MYH9: variants seen among roughly 807,000 people sequenced by gnomAD.
The protein encoded by MYH9 is myosin heavy chain 9.
A neutral mutation model predicts 241.9 loss-of-function variants in MYH9; 29 were observed. The ratio of observed to expected loss-of-function variants is 0.12; its 90% CI spans 0.09 to 0.16. MYH9 has a LOEUF of 0.16. Among genes scored for constraint, MYH9 ranks in the 10% least tolerant of loss-of-function variants. The pLI is 1.00. For missense variants in MYH9, 1,803 were observed against 2,595.5 expected, an observed-to-expected ratio of 0.69 and a Z score of 6.63; for synonymous variants, 1,047 against 1,062.6, an observed-to-expected ratio of 0.99 and a Z score of 0.29.
intron 10 of MYH9, among the ~76,000 whole-genome samples, chr22:36,318,816 T>C (rs528290774): frequency 3.3e-5 from 5 of 151,806 alleles, no homozygotes; most frequent in African/African-American, 1.2e-4. Flanking sequence ...CAGGCTGGAG[T>C]GCAGTGGCGC....
intron 15 of MYH9, among the ~76,000 whole-genome samples, chr22:36,308,624 G>A (rs1271679653): frequency 2.0e-5 from 3 of 152,066 alleles, no homozygotes; most frequent in African/African-American, 7.2e-5. Flanking sequence ...GCTACTACAG[G>A]CCGGCGATAG....
At chr22:36,334,207 A>G (rs2017463978) in intron 3 of MYH9, among the ~76,000 whole-genome samples, 1 of 152,198 alleles carries the variant, frequency 6.6e-6, no homozygotes, top group Admixed American at 6.5e-5. Context: ...GACCATGGGT[A>G]GTTCAGCAGC....
At chr22:36,341,985 T>A (rs928678002) in intron 2 of MYH9, among the ~76,000 whole-genome samples, 1 of 152,226 alleles carries the variant, frequency 6.6e-6, no homozygotes, top group African/African-American at 2.4e-5. Flanking sequence ...ATAGTGAAGC[T>A]TACACCTTTC....
rs1187096102 is a variant in MYH9, at chr22:36,285,369, C to T, written c.5275-40G>A. The T allele has an allele frequency of 6.3e-7, 1 of 1,595,718 alleles. No homozygotes were observed. The highest frequency in any genetic ancestry group is 1.1e-5 in the South Asian group (1 of 90,918). On this transcript the variant is annotated intron_variant, in intron 37 of 40. Transcript: ENST00000216181. This position sits in a 1 kb window ranked among gnomAD's most constrained non-coding sequence, Gnocchi z 7.0. The stretch of plus-strand genomic sequence containing the variant: ...CCAGTGACCTTGGGGAGGGCTGGGG[C>T]CCTGGCTGGAGGGCATGAGCAGGGC...
chr22:36,302,398 A>T, intron 20 of MYH9, 170 bp downstream of exon 20: 1 of 605,908 alleles, frequency 1.7e-6, no homozygotes, highest in Non-Finnish European at 3.0e-6. Flanking sequence ...CTGTAATTCC[A>T]GCACTTTGGG....
chr22:36,373,700 G>A (rs986043748), intron 1 of MYH9, among the ~76,000 whole-genome samples: 11 of 152,250 alleles, frequency 7.2e-5, no homozygotes, highest in South Asian at 4.1e-4. Flanking sequence ...CCTGACCAGC[G>A]GGCAGTTTCT....
At chr22:36,291,342 T>G (rs1408329929) in intron 31 of MYH9, among the ~76,000 whole-genome samples, 1 of 152,220 alleles carries the variant, frequency 6.6e-6, no homozygotes, top group Non-Finnish European at 1.5e-5. Flanking sequence ...CAAGAAAAAT[T>G]CTTCTGCCTT....
At chr22:36,341,638 G>A in intron 2 of MYH9, 112 bp from the exon 3 acceptor site, 1 of 1,230,644 alleles carries the variant, frequency 8.1e-7, no homozygotes, top group Non-Finnish European at 1.2e-6. Flanking sequence ...TCAGCCTGAT[G>A]TGAAGGCACT....
chr22:36,293,884 C>T lies in MYH9; in HGVS notation c.3838-21G>A. On this transcript the variant is annotated intron_variant, in intron 28 of 40. Transcript: ENST00000216181. This position sits in a 1 kb window ranked among gnomAD's most constrained non-coding sequence, Gnocchi z 5.1. ...TCCACCTGCACCGGGCGGGGAGACA[C>T]AAAGGACCATGGACCCACCCCCACT... 6 of 1,606,620 alleles carry T rather than the reference C, an allele frequency of 3.7e-6. No individual in the cohort carries two copies. Among genetic ancestry groups the T allele is most frequent in the Non-Finnish European group, 5.1e-6 (6 of 1,175,988 alleles).
At position 36,329,752 on chromosome 22, in the gene MYH9, C is replaced by T. The variant is rs1259481463; in HGVS notation, c.491-2264G>A. On this transcript the variant is annotated intron_variant, in intron 3 of 40. Coordinates refer to ENST00000216181, the MANE Select transcript of MYH9 (RefSeq NM_002473.6). The surrounding 1 kb of genome is among the most constrained non-coding windows in gnomAD (Gnocchi z 4.1). ...AGGAAGCAGAGCCCCCAAACACACT[C>T]GAGGGCATGCACACAGAGGCGCACG... Among the ~76,000 whole-genome samples the T allele has an allele frequency of 5.3e-5, 8 of 152,314 alleles. No individual in the cohort carries two copies. In the East Asian group the frequency reaches 5.8e-4, roughly 11 times the overall value.
intron 1 of MYH9, among the ~76,000 whole-genome samples, chr22:36,359,345 G>A (rs2017901535): frequency 6.6e-6 from 1 of 152,236 alleles, no homozygotes. Context: ...ACTTAATGGG[G>A]AAGGTCCCCA....
chr22:36,281,976 G>A lies in MYH9; in HGVS notation c.*692C>T, dbSNP rs1405372464. The A allele has an allele frequency of 4.3e-6, 1 of 233,390 alleles. No individual in the cohort carries two copies. Among genetic ancestry groups the A allele is most frequent in the African/African-American group, 2.2e-5 (1 of 45,302 alleles). The allele number at this position is 233,390 out of a possible 1,614,324, so 14.5% of individuals were successfully genotyped here. On this transcript the variant is annotated 3_prime_UTR_variant, in exon 41 of 41. Transcript: ENST00000216181. ...GCAGAGGCAGGCTGTCCTCGGTAAAGGAGGGGAGGGGGCATTGCACTTGAG... is the reference window on the plus strand; with the variant it reads ...GCAGAGGCAGGCTGTCCTCGGTAAAAGAGGGGAGGGGGCATTGCACTTGAG...
chr22:36,368,677 A>G (rs933544959), intron 1 of MYH9, among the ~76,000 whole-genome samples: 4 of 151,934 alleles, frequency 2.6e-5, no homozygotes, highest in African/African-American at 7.3e-5. Context: ...GAGGTGGAGG[A>G]GTGTTATCTC....
At chr22:36,345,091 T>A (rs936824098) in intron 2 of MYH9, among the ~76,000 whole-genome samples, 2 of 151,968 alleles carry the variant, frequency 1.3e-5, no homozygotes, top group Non-Finnish European at 2.9e-5. Context: ...GGCGGGAGGA[T>A]CACAAGGTCA....
intron 3 of MYH9, among the ~76,000 whole-genome samples, chr22:36,333,943 A>C (rs2017460183): frequency 6.6e-6 from 1 of 152,128 alleles, no homozygotes; most frequent in South Asian, 2.1e-4. Context: ...GGTTTATTTC[A>C]GGGGATGGGG....
In MYH9 at chr22:36,305,108, G is replaced by A; in HGVS notation, c.2160-6C>T. ...TTGGAGTCAGGATCTCATATCTGAG[G>A]AAGGAAAGAGAAGCCTGGTCATTTT... On this transcript the variant is annotated splice_region_variant and splice_polypyrimidine_tract_variant and intron_variant, in intron 17 of 40. Transcript: ENST00000216181. This position sits in a 1 kb window ranked among gnomAD's most constrained non-coding sequence, Gnocchi z 4.7. The A allele has an allele frequency of 6.2e-7, 1 of 1,611,186 alleles. No homozygotes were observed. Among genetic ancestry groups the A allele is most frequent in the Non-Finnish European group, 8.5e-7 (1 of 1,177,356 alleles).
intron 11 of MYH9, among the ~76,000 whole-genome samples, chr22:36,316,911 T>C (rs1179220122): frequency 1.3e-5 from 2 of 152,094 alleles, no homozygotes; most frequent in East Asian, 3.9e-4. Context: ...TCTTTTGAAA[T>C]AAAATGAGGA....
Position 36,341,469 on chromosome 22 carries a change from A to T in MYH9, c.391T>A (p.Ser131Thr), listed in dbSNP as rs1427950733. The T allele has an allele frequency of 6.2e-7, 1 of 1,614,208 alleles. No individual in the cohort carries two copies. The highest frequency in any genetic ancestry group is 8.5e-7 in the Non-Finnish European group (1 of 1,180,034). The part of the protein sequence containing the change: ...INPYKNLPIY[S>T]EEIVEMYKGK... ...TTGTACATTTCCACAATCTCTTCAGAGTAGATGGGCAGGTTCTTGTAAGGA... is the reference window on the plus strand; with the variant it reads ...TTGTACATTTCCACAATCTCTTCAGTGTAGATGGGCAGGTTCTTGTAAGGA... Residue 131 changes from serine (S) to threonine (T), a missense_variant, in exon 3 of 41, where the codon TCT becomes ACT. Around this residue, in one of 11 missense-constraint regions of MYH9, gnomAD observed 72 missense variants for 134.3 expected, o/e 0.54. Coordinates refer to ENST00000216181, the MANE Select transcript of MYH9 (RefSeq NM_002473.6).
At chr22:36,360,421 T>A (rs2017919730) in intron 1 of MYH9, among the ~76,000 whole-genome samples, 1 of 152,076 alleles carries the variant, frequency 6.6e-6, no homozygotes, top group Non-Finnish European at 1.5e-5. Flanking sequence ...AAAAGAAATC[T>A]GCTTAACTTA....
Sources: allele counts gnomAD v4.1 joint callset (sites outside exome capture counted in the v4.1 genomes callset), GRCh38; gene constraint gnomAD v4.1.1; regional missense constraint gnomAD v4.1.1; non-coding constraint Gnocchi (gnomAD v3.1); transcripts MANE v1.5; gene names NCBI Gene and HGNC (gene_info 2026-07-23, HGNC 2026-07-21).